SLIT2: variants seen among roughly 807,000 people sequenced by gnomAD.
SLIT2 encodes slit guidance ligand 2.
In SLIT2, 41 loss-of-function variants were observed where a neutral mutation model predicts 185.7. The ratio of observed to expected loss-of-function variants is 0.22; its 90% confidence interval spans 0.17 to 0.29. SLIT2 has a LOEUF of 0.29. Among genes scored for constraint, SLIT2 ranks in the 10% least tolerant of loss-of-function variants. The probability of loss-of-function intolerance (pLI) is 1.00; values close to 1 mark genes in which losing one functional copy is unlikely to be tolerated. For synonymous variants in SLIT2, 693 were observed against 680.2 expected (o/e 1.02, Z -0.29); for missense variants, 1,571 against 1,909.0 (o/e 0.82, Z 3.30).
At chr4:20,299,143 G>A (rs775758825) in intron 4 of SLIT2, among the ~76,000 whole-genome samples, 1 of 152,136 alleles carries the variant, frequency 6.6e-6, no homozygotes, top group Admixed American at 6.5e-5. Flanking sequence ...AGCAGGGCCT[G>A]TATGATTTTC....
At position 20,589,666 on chromosome 4, in the gene SLIT2, G is replaced by A; in HGVS notation, c.3111G>A (p.Leu1037=). 3.1e-6 allele frequency: 5 copies of A among 1,613,866 alleles called. No individual in the cohort carries two copies. Among genetic ancestry groups the A allele is most frequent in the Non-Finnish European group, 4.2e-6 (5 of 1,179,908 alleles). ...CAGGTGAGTTGTGTGAGGAGAAGCT[G>A]GACTTCTGTGCCCAGGACCTGAACC... The part of the protein sequence containing the change: ...EYTGELCEEK[L]DFCAQDLNPC... The change falls in exon 30 of 37, where the codon CTG becomes CTA. Residue 1037 remains leucine, a synonymous_variant. Coordinates refer to ENST00000504154, the MANE Select transcript of SLIT2 (RefSeq NM_004787.4).
At position 20,525,139 on chromosome 4, in the gene SLIT2, T is replaced by C; in HGVS notation, c.1439-10T>C. On this transcript the variant is annotated splice_polypyrimidine_tract_variant and intron_variant, in intron 14 of 36. Transcript: ENST00000504154. Reference sequence around the variant, plus strand: ...TGCATCTTCTATTTTTTGTCTCTTTTTTTATTTAGCTAAAGAACAGTATTT... The same window carrying C: ...TGCATCTTCTATTTTTTGTCTCTTTCTTTATTTAGCTAAAGAACAGTATTT... The C allele has an allele frequency of 3.7e-6, 6 of 1,605,346 alleles. No individual in the cohort carries two copies. The highest frequency in any genetic ancestry group is 5.1e-6 in the Non-Finnish European group (6 of 1,172,368).
intron 4 of SLIT2, among the ~76,000 whole-genome samples, chr4:20,409,037 G>T (rs1016372642): frequency 1.3e-5 from 2 of 151,412 alleles, no homozygotes; most frequent in Non-Finnish European, 2.9e-5. Flanking sequence ...AGAGACTGCA[G>T]CTCACGAAAG....
chr4:20,464,569 A>G (rs150200525), intron 4 of SLIT2, among the ~76,000 whole-genome samples: 1 of 152,224 alleles, frequency 6.6e-6, no homozygotes, highest in Admixed American at 6.5e-5. Flanking sequence ...CACACAGTTC[A>G]CAGAACAGCA....
chr4:20,310,056 C>T (rs1035356495), intron 4 of SLIT2, among the ~76,000 whole-genome samples: 26 of 152,086 alleles, frequency 1.7e-4, no homozygotes, highest in African/African-American at 5.8e-4. Flanking sequence ...CCACCGCGTC[C>T]GGCCCCTCTA....
At chr4:20,331,273 A>G (rs548661097) in intron 4 of SLIT2, among the ~76,000 whole-genome samples, 36 of 152,290 alleles carry the variant, frequency 2.4e-4, no homozygotes, top group African/African-American at 8.4e-4. Flanking sequence ...TGGAGGTAAA[A>G]GAAATTTACA....
In SLIT2 at chr4:20,253,322, T is replaced by C. The variant is rs1722187545; in HGVS notation, c.-494T>C. On this transcript the variant is annotated 5_prime_UTR_variant, in exon 1 of 37. Transcript: ENST00000504154. ...GCGCCTTCTAGCTTCCGGAGCCCAC[T>C]TTGATCGGGGCCATAATACCTATTG... 6.5e-6 allele frequency: 1 copy of C among 155,010 alleles called. No individual in the cohort carries two copies. Among genetic ancestry groups the C allele is most frequent in the Non-Finnish European group, 1.4e-5 (1 of 70,036 alleles). 9.6% of individuals were successfully genotyped at this position (155,010 alleles called of 1,614,324 possible).
intron 4 of SLIT2, among the ~76,000 whole-genome samples, chr4:20,408,749 G>T (rs1167822421): frequency 6.6e-6 from 1 of 152,160 alleles, no homozygotes; most frequent in Non-Finnish European, 1.5e-5. Context: ...CTAGGGGACA[G>T]AATGACTCAG....
At chr4:20,405,195 T>TTATATATATA (rs149863258) in intron 4 of SLIT2, among the ~76,000 whole-genome samples, 13 of 150,198 alleles carry the variant, frequency 8.7e-5, no homozygotes, top group African/African-American at 3.2e-4. Context: ...ACACTGCCTA[T>TTATATATATA]TATATATATA....
At chr4:20,453,575 A>T (rs1412014958) in intron 4 of SLIT2, among the ~76,000 whole-genome samples, 1 of 152,188 alleles carries the variant, frequency 6.6e-6, no homozygotes, top group Non-Finnish European at 1.5e-5. Flanking sequence ...TAATTTATAG[A>T]TTAGGAAATT....
intron 4 of SLIT2, among the ~76,000 whole-genome samples, chr4:20,274,496 G>A (rs540802184): frequency 5.3e-5 from 8 of 152,198 alleles, no homozygotes; most frequent in South Asian, 2.1e-4. Flanking sequence ...TTAAATCAAC[G>A]TGTAATCCTG....
intron 12 of SLIT2, 142 bp downstream of exon 12, chr4:20,519,595 AG>A (rs1309861931): frequency 1.7e-6 from 1 of 597,754 alleles, no homozygotes; most frequent in Non-Finnish European, 2.9e-6. Context: ...AGTCCAGTCA[AG>A]CTAGTATTCG....
At chr4:20,453,751 G>A (rs1712741630) in intron 4 of SLIT2, among the ~76,000 whole-genome samples, 1 of 152,146 alleles carries the variant, frequency 6.6e-6, no homozygotes, top group East Asian at 1.9e-4. Context: ...TTGCACACAG[G>A]CTTGGCAAGT....
intron 4 of SLIT2, among the ~76,000 whole-genome samples, chr4:20,383,708 T>TC (rs1305436629): frequency 6.6e-6 from 1 of 152,084 alleles, no homozygotes; most frequent in Non-Finnish European, 1.5e-5. Context: ...GTGTTACTAT[T>TC]CTTTTTTTTT....
chr4:20,349,942 T>A (rs1721727040), intron 4 of SLIT2, among the ~76,000 whole-genome samples: 1 of 152,218 alleles, frequency 6.6e-6, no homozygotes, highest in Non-Finnish European at 1.5e-5. Context: ...ACTGTTTTAT[T>A]TTTTGATCTG....
At chr4:20,585,080 C>A (rs1037474168) in intron 29 of SLIT2, among the ~76,000 whole-genome samples, 13 of 150,530 alleles carry the variant, frequency 8.6e-5, no homozygotes, top group South Asian at 2.1e-4. Flanking sequence ...CAAAAAACAA[C>A]AAAAAAAAAC....
At chr4:20,524,257 C>A in intron 14 of SLIT2, 80 bp downstream of exon 14, 1 of 1,290,196 alleles carries the variant, frequency 7.8e-7, no homozygotes, top group Non-Finnish European at 1.1e-6. Context: ...TGGCCTTCGG[C>A]TGATTAGTGA....
At chr4:20,293,493 G>C (rs546792919) in intron 4 of SLIT2, among the ~76,000 whole-genome samples, 2 of 152,158 alleles carry the variant, frequency 1.3e-5, no homozygotes, top group Non-Finnish European at 2.9e-5. Context: ...ACAGCAATGA[G>C]AGCTGGTTCC....
chr4:20,379,624 G>A (rs1454128034), intron 4 of SLIT2, among the ~76,000 whole-genome samples: 1 of 152,116 alleles, frequency 6.6e-6, no homozygotes, highest in Non-Finnish European at 1.5e-5. Flanking sequence ...ATTTTGAGTG[G>A]TTGGCATTTT....
Sources: allele counts gnomAD v4.1 joint callset (sites outside exome capture counted in the v4.1 genomes callset), GRCh38; gene constraint gnomAD v4.1.1; transcripts MANE v1.5; gene names NCBI Gene and HGNC (gene_info 2026-07-23, HGNC 2026-07-21).